The following NR2E3 variants were observed in gnomAD, a reference collection of about 807,000 sequenced individuals.
The protein encoded by NR2E3 is nuclear receptor subfamily 2 group E member 3.
In NR2E3, 38 loss-of-function variants were observed where a neutral mutation model predicts 37.6. The ratio of observed to expected loss-of-function variants is 1.01; its 90% CI spans 0.78 to 1.33. The LOEUF (loss-of-function observed/expected upper bound fraction) is 1.33, where lower values mean the gene tolerates loss of function less well. Among genes scored for constraint, NR2E3 ranks in the 40% most tolerant of loss-of-function variants. The probability of loss-of-function intolerance (pLI) is 0.00; values close to 1 mark genes in which losing one functional copy is unlikely to be tolerated. For synonymous variants in NR2E3, 235 were observed against 225.1 expected, an observed-to-expected ratio of 1.04 and a Z score of -0.39; for missense variants, 562 against 558.7, an observed-to-expected ratio of 1.01 and a Z score of -0.06.
intron 7 of NR2E3, among the ~76,000 whole-genome samples, chr15:71,817,033 G>A (rs2054231556): frequency 2.0e-5 from 3 of 151,686 alleles, no homozygotes; most frequent in Admixed American, 2.0e-4. Flanking sequence ...CTAAATAGAG[G>A]GTGGCGGCTC....
rs1204872132 is a variant in NR2E3, at chr15:71,810,833, C to T, written c.90C>T (p.Gly30=). The stretch of plus-strand genomic sequence containing the variant: ...CTGCCTCCAGGAAGGAGTCTCCAGG[C>T]AGATGGGGCCTGGGGGAGGATCCCA... ...AGAASRKESP[G]RWGLGEDPTG... is the part of the protein sequence containing the mutation. The change falls in exon 1 of 8, where the codon GGC becomes GGT. Residue 30 remains glycine, a synonymous_variant. Transcript: ENST00000617575. 2 of 1,566,940 alleles carry T rather than the reference C, an allele frequency of 1.3e-6. No individual in the cohort carries two copies. The highest frequency in any genetic ancestry group is 1.9e-5 in the Admixed American group (1 of 53,032).
intron 7 of NR2E3, 70 bp downstream of exon 7, chr15:71,814,187 C>T: frequency 2.0e-6 from 3 of 1,532,958 alleles, no homozygotes; most frequent in Non-Finnish European, 2.6e-6. Context: ...CTCCCACACT[C>T]TCCCAGAGCT....
At position 71,818,238 on chromosome 15, in the gene NR2E3, AAAAC is replaced by A. The variant is rs1380259097; in HGVS notation, c.*558_*561del. ...GACCTCAATAAAAAAGTAAAAAAAA[AAAAC>A]AAAAAAAACCAGAAAAATGAGTGTG... On this transcript the variant is annotated 3_prime_UTR_variant, in exon 8 of 8. Transcript: ENST00000617575. The A allele has an allele frequency of 2.6e-5, 4 of 152,012 alleles. No individual in the cohort carries two copies. Among genetic ancestry groups the A allele is most frequent in the African/African-American group, 7.3e-5 (3 of 41,280 alleles). 9.4% of individuals were successfully genotyped at this position (152,012 alleles called of 1,614,324 possible).
At chr15:71,814,248 C>A in intron 7 of NR2E3, 131 bp downstream of exon 7, 1 of 1,454,734 alleles carries the variant, frequency 6.9e-7, no homozygotes, top group South Asian at 1.4e-5. Context: ...CAGCCAACAT[C>A]TATGGTGTCC....
Position 71,813,394 on chromosome 15 carries a change from C to T in NR2E3, c.753C>T (p.Ile251=). The T allele has an allele frequency of 6.2e-7, 1 of 1,611,286 alleles. No individual in the cohort carries two copies. Among genetic ancestry groups the T allele is most frequent in the Non-Finnish European group, 8.5e-7 (1 of 1,178,824 alleles). ...FSSLPFRDQV[I]LLEEAWSELF... ...GCACCCCTGTCTGAGCACAGGTGAT[C>T]CTGCTGGAAGAGGCGTGGAGTGAAC... The change falls in exon 6 of 8, where the codon ATC becomes ATT. Residue 251 remains isoleucine, a synonymous_variant. Transcript: ENST00000617575. The surrounding 1 kb of genome is among the most constrained non-coding windows in gnomAD (Gnocchi z 4.7).
chr15:71,810,684 G>C lies in NR2E3; in HGVS notation c.-60G>C, dbSNP rs946413881. On this transcript the variant is annotated 5_prime_UTR_variant, in exon 1 of 8. Coordinates refer to ENST00000617575, the MANE Select transcript of NR2E3 (RefSeq NM_014249.4). ...CAGAGGTTCATGGACTGAGGCAAAG[G>C]CTGGGCCAGGCTCAGCAACCCAGGC... is the stretch of plus-strand genomic sequence containing the variant. 2 of 1,547,782 alleles carry C rather than the reference G, an allele frequency of 1.3e-6. No homozygotes were observed. The highest frequency in any genetic ancestry group is 1.7e-6 in the Non-Finnish European group (2 of 1,145,754).
Position 71,813,304 on chromosome 15 carries a change from G to A in NR2E3, c.748-85G>A. The A allele has an allele frequency of 6.5e-7, 1 of 1,532,340 alleles. No homozygotes were observed. Among genetic ancestry groups the A allele is most frequent in the East Asian group, 2.4e-5 (1 of 41,480 alleles). 94.9% of individuals were successfully genotyped at this position (1,532,340 alleles called of 1,614,324 possible). On this transcript the variant is annotated intron_variant, in intron 5 of 7. Transcript: ENST00000617575. This position sits in a 1 kb window ranked among gnomAD's most constrained non-coding sequence, Gnocchi z 4.7. ...TCCCAGGACAGCACTTCCATTCCTT[G>A]GGTGCCTGAGATGGTGGCAGAGGCT...
chr15:71,812,001 G>T lies in NR2E3; in HGVS notation c.396G>T (p.Leu132=). Residue 132 remains leucine (L), a synonymous_variant, in exon 4 of 8, where the codon CTG becomes CTT. Coordinates refer to ENST00000617575, the MANE Select transcript of NR2E3 (RefSeq NM_014249.4). ...RQPRSTAQVH[L]DSMESNTESR... is the part of the protein sequence containing the mutation. ...CGCGAAGCACAGCCCAGGTCCACCTGGACAGCATGGAGTCCAACACTGAGT... is the reference window on the plus strand; with the variant it reads ...CGCGAAGCACAGCCCAGGTCCACCTTGACAGCATGGAGTCCAACACTGAGT... 6.4e-7 allele frequency: 1 copy of T among 1,554,828 alleles called. No homozygotes were observed. Among genetic ancestry groups the T allele is most frequent in the East Asian group, 2.4e-5 (1 of 41,062 alleles).
In NR2E3 at chr15:71,811,529, C is replaced by T. The variant is rs768900024; in HGVS notation, c.165C>T (p.Ser55=). The stretch of plus-strand genomic sequence containing the variant: ...GCCGCGTGTGCGGAGACAGCAGCAG[C>T]GGGAAGCACTATGGCATCTATGCCT... The part of the protein sequence containing the change: ...LQCRVCGDSS[S]GKHYGIYACN... Residue 55 remains serine, a synonymous_variant, in exon 2 of 8, where the codon AGC becomes AGT. Coordinates refer to ENST00000617575, the MANE Select transcript of NR2E3 (RefSeq NM_014249.4). The surrounding 1 kb of genome is among the most constrained non-coding windows in gnomAD (Gnocchi z 5.6). The T allele has an allele frequency of 1.1e-5, 18 of 1,581,836 alleles. No individual in the cohort carries two copies. The highest frequency in any genetic ancestry group is 7.0e-5 in the South Asian group (6 of 86,248).
In NR2E3 at chr15:71,812,427, T is replaced by C. The variant is rs771105535; in HGVS notation, c.663T>C (p.His221=). The change falls in exon 5 of 8, where the codon CAT becomes CAC. Residue 221 remains histidine, a synonymous_variant. Coordinates refer to ENST00000617575, the MANE Select transcript of NR2E3 (RefSeq NM_014249.4). The part of the protein sequence containing the change: ...SSSPCGLDSI[H]ETSARLLFMA... ...CCCCCTGCGGCCTGGACAGCATCCA[T>C]GAGACCTCGGCTCGCCTACTCTTCA... 20 of 1,613,754 alleles carry C rather than the reference T, an allele frequency of 1.2e-5. No homozygotes were observed. Among genetic ancestry groups the C allele is most frequent in the Middle Eastern group, 1.6e-4 (1 of 6,084 alleles).
chr15:71,817,706 T>G lies in NR2E3; in HGVS notation c.*22T>G. ...CTAGTGGGGGTGGAGGTGAAATGTT[T>G]CCAAGCACTCTGGAAAACAATCTAC... On this transcript the variant is annotated 3_prime_UTR_variant, in exon 8 of 8. Coordinates refer to ENST00000617575, the MANE Select transcript of NR2E3 (RefSeq NM_014249.4). 1 of 1,576,560 alleles carries G rather than the reference T, an allele frequency of 6.3e-7. No individual in the cohort carries two copies.
rs1567159237 is a variant in NR2E3, at chr15:71,810,741, C to T, written c.-3C>T. ...CAGGCAGGCAGAGGCTGCCCTGTAA[C>T]CCATGGAGACCAGACCAACAGCTCT... On this transcript the variant is annotated 5_prime_UTR_variant, in exon 1 of 8. Coordinates refer to ENST00000617575, the MANE Select transcript of NR2E3 (RefSeq NM_014249.4). 3.2e-6 allele frequency: 5 copies of T among 1,564,622 alleles called. No individual in the cohort carries two copies. Among genetic ancestry groups the T allele is most frequent in the Non-Finnish European group, 4.3e-6 (5 of 1,155,194 alleles).
At position 71,811,412 on chromosome 15, in the gene NR2E3, G is replaced by A. The variant is rs1221845226; in HGVS notation, c.119-71G>A. 1 of 1,418,498 alleles carries A rather than the reference G, an allele frequency of 7.0e-7. No homozygotes were observed. Among genetic ancestry groups the A allele is most frequent in the Non-Finnish European group, 9.6e-7 (1 of 1,040,714 alleles). The allele number at this position is 1,418,498 out of a possible 1,614,324, so 87.9% of individuals were successfully genotyped here. A position where few individuals can be genotyped will look rare whatever the true frequency, so the allele number is the denominator to read the frequency against. On this transcript the variant is annotated intron_variant, in intron 1 of 7. Transcript: ENST00000617575. This position sits in a 1 kb window ranked among gnomAD's most constrained non-coding sequence, Gnocchi z 5.6. ...TGAGGACTGGGAAAGGGACCCGAGG[G>A]AAGGAGGGGAGCGTGCAGCCCTGCC... is the stretch of plus-strand genomic sequence containing the variant.
chr15:71,813,728 T>A lies in NR2E3; in HGVS notation c.994+93T>A, dbSNP rs2054205799. On this transcript the variant is annotated intron_variant, in intron 6 of 7. Coordinates refer to ENST00000617575, the MANE Select transcript of NR2E3 (RefSeq NM_014249.4). The surrounding 1 kb of genome is among the most constrained non-coding windows in gnomAD (Gnocchi z 4.7). ...TCCACTACCCCCATGTGTGCAGATG[T>A]GTGTAGGCCTCTATCCTGGGGGGTG... 6.3e-7 allele frequency: 1 copy of A among 1,576,770 alleles called. No homozygotes were observed. The highest frequency in any genetic ancestry group is 8.6e-7 in the Non-Finnish European group (1 of 1,158,206).
chr15:71,811,647 G>T lies in NR2E3; in HGVS notation c.245+38G>T. The T allele has an allele frequency of 6.3e-7, 1 of 1,593,472 alleles. No individual in the cohort carries two copies. Among genetic ancestry groups the T allele is most frequent in the East Asian group, 2.3e-5 (1 of 43,850 alleles). On this transcript the variant is annotated intron_variant, in intron 2 of 7. Coordinates refer to ENST00000617575, the MANE Select transcript of NR2E3 (RefSeq NM_014249.4). The surrounding 1 kb of genome is among the most constrained non-coding windows in gnomAD (Gnocchi z 5.6). ...GGCCCTGCTGGGCGTCTGCCCCTGA[G>T]GGGTTCTGGAGGGGTGAGGGGGTGC...
chr15:71,812,413 C>T lies in NR2E3; in HGVS notation c.649C>T (p.Leu217=). ...ATACTCCTCTTCCTCCCCCTGCGGC[C>T]TGGACAGCATCCATGAGACCTCGGC... ...SPYSSSSPCG[L]DSIHETSARL... is the part of the protein sequence containing the mutation. The change falls in exon 5 of 8, where the codon CTG becomes TTG. Residue 217 remains leucine (L), a synonymous_variant. Coordinates refer to ENST00000617575, the MANE Select transcript of NR2E3 (RefSeq NM_014249.4). The T allele has an allele frequency of 6.2e-7, 1 of 1,614,024 alleles. No individual in the cohort carries two copies. The highest frequency in any genetic ancestry group is 8.5e-7 in the Non-Finnish European group (1 of 1,179,882).
chr15:71,814,327 G>C, intron 7 of NR2E3: 1 of 1,361,288 alleles, frequency 7.3e-7, no homozygotes, highest in East Asian at 2.7e-5. Flanking sequence ...GCCTTCTAGA[G>C]ACAACCGGCA....
chr15:71,812,211 T>A (rs2054190162), intron 4 of NR2E3, 35 bp downstream of exon 4: 1 of 1,603,468 alleles, frequency 6.2e-7, no homozygotes, highest in South Asian at 1.1e-5. Flanking sequence ...ACAGCAGGGC[T>A]TGGCTTCCCG....
chr15:71,812,128 G>A lies in NR2E3; in HGVS notation c.523G>A (p.Ala175Thr). ...AARALGHHFM[A>T]SLITAETCAK... ...CAGAGCCCTGGGCCACCACTTCATG[G>A]CCAGCCTTATAACAGCTGAAACCTG... is the stretch of plus-strand genomic sequence containing the variant. Residue 175 changes from alanine (A) to threonine (T), a missense_variant, in exon 4 of 8, where the codon GCC (alanine) becomes ACC (threonine). Physicochemically the swap from Ala to Thr is moderately conservative, Grantham distance 58. Transcript: ENST00000617575. 1 of 1,561,112 alleles carries A rather than the reference G, an allele frequency of 6.4e-7. No individual in the cohort carries two copies. Among genetic ancestry groups the A allele is most frequent in the Admixed American group, 1.9e-5 (1 of 51,766 alleles).
Sources: gnomAD v4.1 joint callset for allele counts (sites outside exome capture counted in the v4.1 genomes callset) on GRCh38, gnomAD v4.1.1 for gene constraint, Gnocchi (gnomAD v3.1) non-coding constraint, MANE v1.5 for transcripts, NCBI Gene and HGNC (gene_info 2026-07-23, HGNC 2026-07-21) for gene names.